PXDN: variants seen among roughly 807,000 people sequenced by gnomAD.
PXDN encodes peroxidasin homolog.
Under a neutral mutation model 140.3 loss-of-function variants are expected in PXDN, and 77 were observed. That is an observed-to-expected ratio of 0.55 (90% CI 0.46 to 0.66). The LOEUF (loss-of-function observed/expected upper bound fraction) is 0.66, where lower values mean the gene tolerates loss of function less well. Among genes scored for constraint, PXDN ranks in the 30% least tolerant of loss-of-function variants. The pLI, the probability that PXDN is intolerant of heterozygous loss-of-function variation, is 0.00. For synonymous variants in PXDN, 911 were observed against 857.4 expected (o/e 1.06, Z -1.09); for missense variants, 1,838 against 2,039.5 (o/e 0.90, Z 1.90).
intron 1 of PXDN, among the ~76,000 whole-genome samples, chr2:1,736,854 A>C (rs997296340): frequency 6.6e-6 from 1 of 152,176 alleles, no homozygotes; most frequent in Non-Finnish European, 1.5e-5. Flanking sequence ...GTCTGATAAG[A>C]GTTTTGTTAT....
intron 1 of PXDN, among the ~76,000 whole-genome samples, chr2:1,710,530 T>C (rs1323405798): frequency 1.1e-4 from 14 of 122,280 alleles, no homozygotes; most frequent in South Asian, 5.7e-4. Flanking sequence ...GGACCCACTC[T>C]ACGAACACCC....
At chr2:1,722,687 C>G (rs1391993486) in intron 1 of PXDN, among the ~76,000 whole-genome samples, 5 of 152,244 alleles carry the variant, frequency 3.3e-5, no homozygotes, top group African/African-American at 9.6e-5. Flanking sequence ...AGGTGGGGCT[C>G]CTTCCACAGC....
In PXDN at chr2:1,648,925, G is replaced by C; in HGVS notation, c.2855C>G (p.Ala952Gly). The C allele has an allele frequency of 6.2e-7, 1 of 1,603,256 alleles. No individual in the cohort carries two copies. Among genetic ancestry groups the C allele is most frequent in the Non-Finnish European group, 8.5e-7 (1 of 1,175,544 alleles). The part of the protein sequence containing the change: ...QRSGKPLLPF[A>G]TGPPTECMRD... ...CATGCACTCCGTGGGCGGCCCGGTG[G>C]CGAAGGGGAGCAGCGGCTTCCCGGA... The change falls in exon 17 of 23, where the codon GCC becomes GGC. Residue 952 changes from alanine to glycine, a missense_variant. By Grantham distance (60) the Ala-to-Gly change is moderately conservative (BLOSUM62 0). Around this residue, in one of 5 missense-constraint regions of PXDN, gnomAD observed 850 missense variants for 894.1 expected, o/e 0.95. Transcript: ENST00000252804. The surrounding 1 kb of genome is among the most constrained non-coding windows in gnomAD (Gnocchi z 8.9).
chr2:1,673,697 C>T lies in PXDN; in HGVS notation c.964G>A (p.Val322Met), dbSNP rs775625261. 1.9e-6 allele frequency: 3 copies of T among 1,614,002 alleles called. No homozygotes were observed. The highest frequency in any genetic ancestry group is 1.3e-5 in the African/African-American group (1 of 75,062). The change falls in exon 9 of 23, where the codon GTG becomes ATG. Residue 322 changes from valine (V) to methionine (M), a missense_variant. Physicochemically the swap from Val to Met is conservative, Grantham distance 21 (BLOSUM62 1). Coordinates refer to ENST00000252804, the MANE Select transcript of PXDN (RefSeq NM_012293.3). ...QGIYQCMAKN[V>M]AGEVKTQEVT... The stretch of plus-strand genomic sequence containing the variant: ...TCTTGCGTCTTCACCTCTCCGGCCA[C>T]GTTCTTTGCCATGCACTGGTAGATA...
rs542855104 is a variant in PXDN, at chr2:1,651,269, G to A, written c.2105-1594C>T. Among the ~76,000 whole-genome samples, 1 of 152,124 alleles carries A rather than the reference G, an allele frequency of 6.6e-6. No homozygotes were observed. The highest frequency in any genetic ancestry group is 1.9e-4 in the East Asian group (1 of 5,162). Reference sequence around the variant, plus strand: ...TGGCTGGGCTGTGGGGCTGGTCTCCGGGCTTTCCTCCAGAATGTTCACTTT... The same window carrying A: ...TGGCTGGGCTGTGGGGCTGGTCTCCAGGCTTTCCTCCAGAATGTTCACTTT... On this transcript the variant is annotated intron_variant, in intron 16 of 22. Coordinates refer to ENST00000252804, the MANE Select transcript of PXDN (RefSeq NM_012293.3). This position sits in a 1 kb window ranked among gnomAD's most constrained non-coding sequence, Gnocchi z 4.4.
rs372523135 is a variant in PXDN, at chr2:1,719,103, C to T, written c.200+25153G>A. Among the ~76,000 whole-genome samples the T allele has an allele frequency of 3.0e-3, 458 of 152,344 alleles. 4 individuals are homozygous for T. In the South Asian group the frequency reaches 0.03, roughly 10 times the overall value. On this transcript the variant is annotated intron_variant, in intron 1 of 22. Transcript: ENST00000252804. ...GGCTGCACTGGCGCAGTCATGGCTC[C>T]TTAGACGAGCGAGCCAGCCTGGGGC... is the stretch of plus-strand genomic sequence containing the variant.
At chr2:1,642,741 A>C (rs983150927) in intron 19 of PXDN, among the ~76,000 whole-genome samples, 2 of 152,240 alleles carry the variant, frequency 1.3e-5, no homozygotes, top group Non-Finnish European at 2.9e-5. Context: ...AGCCAGGAGA[A>C]CCATCGCCTC....
At chr2:1,719,125 G>A (rs1020023878) in intron 1 of PXDN, among the ~76,000 whole-genome samples, 1 of 152,198 alleles carries the variant, frequency 6.6e-6, no homozygotes, top group African/African-American at 2.4e-5. Context: ...AGCCAGCCTG[G>A]GGCCCTGCGG....
At chr2:1,738,347 G>A (rs1429877063) in intron 1 of PXDN, among the ~76,000 whole-genome samples, 1 of 152,120 alleles carries the variant, frequency 6.6e-6, no homozygotes, top group Non-Finnish European at 1.5e-5. Flanking sequence ...GAAGATCTCT[G>A]TACTCCTGAG....
intron 1 of PXDN, among the ~76,000 whole-genome samples, chr2:1,708,452 C>T (rs1216843993): frequency 6.6e-6 from 1 of 152,166 alleles, no homozygotes; most frequent in Non-Finnish European, 1.5e-5. Context: ...CAGCCTCCGC[C>T]CTTCGCAGGA....
intron 8 of PXDN, among the ~76,000 whole-genome samples, chr2:1,676,119 G>C (rs574970020): frequency 6.6e-6 from 1 of 152,136 alleles, no homozygotes; most frequent in African/African-American, 2.4e-5. Context: ...TTCCCACCTA[G>C]GCCTCTCTGC....
chr2:1,693,077 C>T lies in PXDN; in HGVS notation c.258G>A (p.Arg86=), dbSNP rs1684220247. 10 of 1,554,680 alleles carry T rather than the reference C, an allele frequency of 6.4e-6. No individual in the cohort carries two copies. Among genetic ancestry groups the T allele is most frequent in the Non-Finnish European group, 8.7e-6 (10 of 1,146,276 alleles). ...EIQPGAFRRL[R]NLNTLLLNNN... is the part of the protein sequence containing the mutation. ...TTTCCACTCACAATGTGTTCAAGTT[C>T]CTCAGCCGCCTGAATGCCCCAGGTT... Residue 86 remains arginine (R), a synonymous_variant, in exon 2 of 23, where the codon AGG becomes AGA. Coordinates refer to ENST00000252804, the MANE Select transcript of PXDN (RefSeq NM_012293.3).
rs148868932 is a variant in PXDN at position 1,713,566 on chromosome 2, C to T, written c.201-20432G>A. ...CTGGGGGCCGCCTCTCCCCACTGGC[C>T]GCTCCAGCACCAGAGGCTGTCTCCC... On this transcript the variant is annotated intron_variant, in intron 1 of 22. Transcript: ENST00000252804. 7.0e-3 allele frequency among the ~76,000 whole-genome samples: 1,064 copies of T among 152,338 alleles called. 15 individuals carry two copies. Among genetic ancestry groups the T allele is most frequent in the African/African-American group, 0.025 (1,022 of 41,580 alleles).
chr2:1,690,035 G>A (rs1342306766), intron 3 of PXDN, among the ~76,000 whole-genome samples: 1 of 152,152 alleles, frequency 6.6e-6, no homozygotes, highest in African/African-American at 2.4e-5. Context: ...TAAATTTCAG[G>A]AGAGCTCTTA....
intron 1 of PXDN, among the ~76,000 whole-genome samples, chr2:1,700,853 C>A (rs757599895): frequency 3.3e-5 from 5 of 151,572 alleles, no homozygotes; most frequent in South Asian, 2.1e-4. Context: ...CCAGTCTGGG[C>A]GACACAGCGA....
Position 1,732,564 on chromosome 2 carries a change from G to A in PXDN, c.200+11692C>T, listed in dbSNP as rs74518524. On this transcript the variant is annotated intron_variant, in intron 1 of 22. Coordinates refer to ENST00000252804, the MANE Select transcript of PXDN (RefSeq NM_012293.3). ...GGGCCTTGCCTCAGTTGTTGAAAAC[G>A]ATGAGCCTTAGTAAAGCACTGCTCC... 9.7e-4 allele frequency among the ~76,000 whole-genome samples: 147 copies of A among 152,296 alleles called. 4 individuals are homozygous for A. The East Asian group carries it at 0.026, about 27-fold the overall frequency.
At chr2:1,663,189 T>C (rs571701515) in intron 12 of PXDN, among the ~76,000 whole-genome samples, 2 of 152,228 alleles carry the variant, frequency 1.3e-5, no homozygotes, top group Non-Finnish European at 2.9e-5. Flanking sequence ...GAAACTGGAT[T>C]TGGCCTCATG....
At chr2:1,658,116 A>C (rs192794946) in intron 14 of PXDN, among the ~76,000 whole-genome samples, 14 of 123,120 alleles carry the variant, frequency 1.1e-4, no homozygotes, top group Admixed American at 7.8e-4. Context: ...GCGTGCGTCC[A>C]CTCTCAGTGT....
At chr2:1,677,845 C>T (rs896817626) in intron 7 of PXDN, among the ~76,000 whole-genome samples, 7 of 152,250 alleles carry the variant, frequency 4.6e-5, no homozygotes, top group Non-Finnish European at 8.8e-5. Flanking sequence ...CTGTGAGCAT[C>T]ACGAGAAGAA....
Sources: gnomAD v4.1 joint callset for allele counts (sites outside exome capture counted in the v4.1 genomes callset) on GRCh38, gnomAD v4.1.1 for gene constraint, gnomAD v4.1.1 regional missense constraint, Gnocchi (gnomAD v3.1) non-coding constraint, MANE v1.5 for transcripts, NCBI Gene and HGNC (gene_info 2026-07-23, HGNC 2026-07-21) for gene names.